The following PPAT variants were observed in gnomAD, a reference collection of about 807,000 sequenced individuals.
The protein encoded by PPAT is phosphoribosyl pyrophosphate amidotransferase.
In PPAT, 20 loss-of-function variants were observed where a neutral mutation model predicts 60.2. That is an observed-to-expected ratio of 0.33 (90% CI 0.23 to 0.48). PPAT has a LOEUF of 0.48. PPAT is among the 20% of genes least tolerant of loss of function. The pLI, the probability that PPAT is intolerant of heterozygous loss-of-function variation, is 0.99. For missense variants in PPAT, 349 were observed against 629.6 expected (o/e 0.55, Z 4.77); for synonymous variants, 194 against 215.1 (o/e 0.90, Z 0.86).
At chr4:56,408,521 G>A (rs1314641195) in intron 1 of PPAT, among the ~76,000 whole-genome samples, 1 of 151,130 alleles carries the variant, frequency 6.6e-6, no homozygotes, top group Non-Finnish European at 1.5e-5. Context: ...CTCCTAGGTG[G>A]AGGCGGGTGG....
At chr4:56,424,906 GA>G (rs1427276868) in intron 1 of PPAT, among the ~76,000 whole-genome samples, 1 of 152,192 alleles carries the variant, frequency 6.6e-6, no homozygotes, top group Non-Finnish European at 1.5e-5. Context: ...TTTTAGGTCA[GA>G]GGGGTGGAGT....
In PPAT at chr4:56,403,675, TA is replaced by T. The variant is rs577432748; in HGVS notation, c.403-275del. ...CTTTATTTCTATTATTACTATACTGTAATATATAATGAAATAATTATACAAC... is the reference window on the plus strand; with the variant it reads ...CTTTATTTCTATTATTACTATACTGTATATATAATGAAATAATTATACAAC... On this transcript the variant is annotated intron_variant, in intron 3 of 10. Transcript: ENST00000264220. 8.5e-5 allele frequency among the ~76,000 whole-genome samples: 13 copies of T among 152,322 alleles called. No homozygotes were observed. In the East Asian group the frequency reaches 2.3e-3, roughly 27 times the overall value.
chr4:56,426,595 T>C (rs1032470777), intron 1 of PPAT, among the ~76,000 whole-genome samples: 1 of 152,214 alleles, frequency 6.6e-6, no homozygotes, highest in Non-Finnish European at 1.5e-5. Flanking sequence ...TTGTAGCATA[T>C]ATCAGTATTT....
At chr4:56,434,166 A>G (rs1224766665) in intron 1 of PPAT, among the ~76,000 whole-genome samples, 1 of 152,246 alleles carries the variant, frequency 6.6e-6, no homozygotes, top group Non-Finnish European at 1.5e-5. Context: ...AGTTAAAAAT[A>G]TTCTTTTTGA....
chr4:56,401,244 GT>G, intron 7 of PPAT, 85 bp downstream of exon 7: 13 of 1,263,450 alleles, frequency 1.0e-5, no homozygotes, highest in Non-Finnish European at 1.3e-5. Context: ...AAAGAGCCAG[GT>G]AAGCCTTTGA....
chr4:56,399,477 G>T lies in PPAT; in HGVS notation c.1015-77C>A, dbSNP rs528051686. ...AATATTTTCTCTAGGTTGTGTTGCC[G>T]CCACAATATTCAAGTAAAATTTCAA... On this transcript the variant is annotated intron_variant, in intron 8 of 10. Coordinates refer to ENST00000264220, the MANE Select transcript of PPAT (RefSeq NM_002703.5). 26 of 1,073,208 alleles carry T rather than the reference G, an allele frequency of 2.4e-5. No individual in the cohort carries two copies. In the Admixed American group the frequency reaches 6.5e-4, roughly 27 times the overall value. The allele number at this position is 1,073,208 out of a possible 1,614,324, so 66.5% of individuals were successfully genotyped here.
chr4:56,408,976 A>G (rs965218621), intron 1 of PPAT, among the ~76,000 whole-genome samples: 2 of 152,138 alleles, frequency 1.3e-5, no homozygotes, highest in African/African-American at 2.4e-5. Flanking sequence ...ATAGAAATGA[A>G]ACCTTAACTT....
At chr4:56,427,265 A>G (rs569389337) in intron 1 of PPAT, among the ~76,000 whole-genome samples, 1 of 152,272 alleles carries the variant, frequency 6.6e-6, no homozygotes, top group East Asian at 1.9e-4. Context: ...TGTTGATCAT[A>G]TGGTAATTTG....
chr4:56,424,101 A>T (rs1717175366), intron 1 of PPAT, among the ~76,000 whole-genome samples: 1 of 152,182 alleles, frequency 6.6e-6, no homozygotes, highest in South Asian at 2.1e-4. Flanking sequence ...TTGAAATTGG[A>T]GTTGCTATTA....
At chr4:56,408,728 T>G (rs1250253308) in intron 1 of PPAT, among the ~76,000 whole-genome samples, 1 of 140,834 alleles carries the variant, frequency 7.1e-6, no homozygotes, top group Non-Finnish European at 1.5e-5. Context: ...CACTCCGGCC[T>G]GGGCGACAGA....
At chr4:56,424,879 A>G (rs1717212194) in intron 1 of PPAT, among the ~76,000 whole-genome samples, 1 of 152,218 alleles carries the variant, frequency 6.6e-6, no homozygotes, top group African/African-American at 2.4e-5. Context: ...GGTATAGGAC[A>G]GTCACAGTTA....
At chr4:56,400,692 T>C in intron 8 of PPAT, 92 bp downstream of exon 8, 2 of 1,328,554 alleles carry the variant, frequency 1.5e-6, no homozygotes, top group South Asian at 3.4e-5. Flanking sequence ...CCTTTCTCCT[T>C]AGAAATGTTG....
At position 56,394,891 on chromosome 4, in the gene PPAT, T is replaced by A. The variant is rs1307129114; in HGVS notation, c.*461A>T. The stretch of plus-strand genomic sequence containing the variant: ...TTTTTTTTTAAAGATTTGTCTACAG[T>A]TAGACAGGGAAGCCAAGGTCATAAC... On this transcript the variant is annotated 3_prime_UTR_variant, in exon 11 of 11. Transcript: ENST00000264220. 1.3e-5 allele frequency: 2 copies of A among 151,772 alleles called. No homozygotes were observed. The highest frequency in any genetic ancestry group is 2.4e-5 in the African/African-American group (1 of 41,260). The allele number at this position is 151,772 out of a possible 1,614,324, so 9.4% of individuals were successfully genotyped here.
At chr4:56,397,702 C>G (rs1312173584) in intron 9 of PPAT, among the ~76,000 whole-genome samples, 1 of 152,090 alleles carries the variant, frequency 6.6e-6, no homozygotes, top group Non-Finnish European at 1.5e-5. Context: ...TAAATATATA[C>G]ATTTGTCAAT....
At chr4:56,413,856 C>G (rs1716590371) in intron 1 of PPAT, among the ~76,000 whole-genome samples, 2 of 152,136 alleles carry the variant, frequency 1.3e-5, no homozygotes, top group Admixed American at 1.3e-4. Context: ...AAGATCACAC[C>G]ACTGCACTCC....
intron 1 of PPAT, among the ~76,000 whole-genome samples, chr4:56,426,411 AAAG>A (rs1346954877): frequency 6.6e-6 from 1 of 152,032 alleles, no homozygotes; most frequent in Non-Finnish European, 1.5e-5. Context: ...CAAAAAAAAA[AAAG>A]AAAGAAACCC....
chr4:56,401,741 A>G (rs1716117784), intron 6 of PPAT, among the ~76,000 whole-genome samples: 1 of 152,188 alleles, frequency 6.6e-6, no homozygotes, highest in Admixed American at 6.5e-5. Context: ...AGAATAAAGT[A>G]TAAAGAAAAC....
At chr4:56,403,947 A>G in intron 3 of PPAT, 1 of 387,638 alleles carries the variant, frequency 2.6e-6, no homozygotes, top group Non-Finnish European at 5.2e-6. Context: ...AGCGATGGGG[A>G]GCACCTATAA....
At chr4:56,421,350 C>A (rs1220705396) in intron 1 of PPAT, 1 of 153,232 alleles carries the variant, frequency 6.5e-6, no homozygotes, top group Non-Finnish European at 1.5e-5. Flanking sequence ...TTATATATTA[C>A]AACGTAATAA....
Sources: allele counts gnomAD v4.1 joint callset (sites outside exome capture counted in the v4.1 genomes callset), GRCh38; gene constraint gnomAD v4.1.1; transcripts MANE v1.5; gene names NCBI Gene and HGNC (gene_info 2026-07-23, HGNC 2026-07-21).